The following PDE4B variants were observed in gnomAD, a reference collection of about 807,000 sequenced individuals.
PDE4B encodes phosphodiesterase 4B.
In PDE4B, 20 loss-of-function variants were observed where a neutral mutation model predicts 82.2. That is an observed-to-expected ratio of 0.24 (90% CI 0.17 to 0.35). The LOEUF is 0.35. Among genes scored for constraint, PDE4B ranks in the 10% least tolerant of loss-of-function variants. PDE4B has a pLI of 1.00. For missense variants in PDE4B, 655 were observed against 907.2 expected, an observed-to-expected ratio of 0.72 and a Z score of 3.57; for synonymous variants, 320 against 318.9, an observed-to-expected ratio of 1.00 and a Z score of -0.04.
chr1:65,851,335 C>CTA (rs1258080010), intron 1 of PDE4B, among the ~76,000 whole-genome samples: 1 of 151,700 alleles, frequency 6.6e-6, no homozygotes, highest in East Asian at 1.9e-4. Flanking sequence ...CACATTTTTT[C>CTA]TATATATATG....
intron 3 of PDE4B, among the ~76,000 whole-genome samples, chr1:66,090,617 A>AGTGTGTGTGTG (rs1342550461): frequency 1.1e-4 from 2 of 18,334 alleles, no homozygotes; most frequent in South Asian, 6.9e-4. Flanking sequence ...TATGTATATA[A>AGTGTGTGTGTG]TATATGTGTG....
At chr1:65,999,440 T>C (rs898016232) in intron 3 of PDE4B, among the ~76,000 whole-genome samples, 1 of 152,208 alleles carries the variant, frequency 6.6e-6, no homozygotes, top group Non-Finnish European at 1.5e-5. Context: ...AAACTAAGCC[T>C]GTATTCACTT....
intron 1 of PDE4B, among the ~76,000 whole-genome samples, chr1:65,842,756 A>G (rs965875383): frequency 1.3e-5 from 2 of 152,310 alleles, no homozygotes; most frequent in Admixed American, 6.5e-5. Context: ...TGTGCCCTAA[A>G]AATGCTCACA....
chr1:66,263,516 C>G (rs748278841), intron 6 of PDE4B, among the ~76,000 whole-genome samples: 1 of 152,222 alleles, frequency 6.6e-6, no homozygotes, highest in Non-Finnish European at 1.5e-5. Context: ...AATCTACATT[C>G]TATTAACATT....
chr1:66,314,047 C>T (rs1045156823), intron 7 of PDE4B, among the ~76,000 whole-genome samples: 1 of 152,132 alleles, frequency 6.6e-6, no homozygotes, highest in Non-Finnish European at 1.5e-5. Context: ...ACACAATTGT[C>T]ACCCTTTGTG....
intron 1 of PDE4B, among the ~76,000 whole-genome samples, chr1:65,902,177 A>C (rs1433420803): frequency 1.3e-5 from 2 of 151,990 alleles, no homozygotes; most frequent in Non-Finnish European, 2.9e-5. Flanking sequence ...ATTTTCTTGA[A>C]CTTATTGAGA....
intron 3 of PDE4B, among the ~76,000 whole-genome samples, chr1:66,021,637 T>G (rs1273269344): frequency 6.6e-6 from 1 of 152,112 alleles, no homozygotes; most frequent in African/African-American, 2.4e-5. Context: ...AGAGGTATTA[T>G]TTCTGAGGGC....
chr1:66,252,809 C>T (rs1333390631), intron 4 of PDE4B, among the ~76,000 whole-genome samples: 1 of 152,102 alleles, frequency 6.6e-6, no homozygotes, highest in Non-Finnish European at 1.5e-5. Context: ...AGTAGTGGTG[C>T]GTGCTTGTGG....
chr1:66,049,815 G>A (rs956356237), intron 3 of PDE4B, among the ~76,000 whole-genome samples: 5 of 151,902 alleles, frequency 3.3e-5, no homozygotes, highest in African/African-American at 1.2e-4. Flanking sequence ...TTCAACCACC[G>A]TGTACATCCT....
chr1:66,022,217 A>G (rs1442272935), intron 3 of PDE4B, among the ~76,000 whole-genome samples: 2 of 152,162 alleles, frequency 1.3e-5, no homozygotes, highest in Non-Finnish European at 2.9e-5. Context: ...GGCTGAGACG[A>G]TGGGGTTTTC....
At chr1:66,246,334 C>T (rs1653308803) in intron 3 of PDE4B, among the ~76,000 whole-genome samples, 1 of 152,164 alleles carries the variant, frequency 6.6e-6, no homozygotes, top group African/African-American at 2.4e-5. Context: ...GTTGTAAGAA[C>T]TAGTGAAAGG....
At chr1:66,280,376 AC>A (rs1656206817) in intron 7 of PDE4B, among the ~76,000 whole-genome samples, 1 of 152,232 alleles carries the variant, frequency 6.6e-6, no homozygotes, top group Non-Finnish European at 1.5e-5. Flanking sequence ...CTTTTGCTTT[AC>A]ACGAATGCCA....
At chr1:66,067,912 G>A (rs1655945869) in intron 3 of PDE4B, among the ~76,000 whole-genome samples, 1 of 145,818 alleles carries the variant, frequency 6.9e-6, no homozygotes, top group Non-Finnish European at 1.5e-5. Context: ...CATGGACACA[G>A]GAAGGAGAAC....
At chr1:66,329,023 A>G (rs1418075564) in intron 7 of PDE4B, among the ~76,000 whole-genome samples, 1 of 152,158 alleles carries the variant, frequency 6.6e-6, no homozygotes, top group Non-Finnish European at 1.5e-5. Flanking sequence ...AGAAATACCT[A>G]ATTCGACTTC....
At chr1:65,979,370 G>A (rs1281343963) in intron 3 of PDE4B, among the ~76,000 whole-genome samples, 2 of 152,192 alleles carry the variant, frequency 1.3e-5, no homozygotes, top group African/African-American at 4.8e-5. Flanking sequence ...CTGAAAGAGC[G>A]AATCCTGCTG....
At chr1:66,270,581 G>A (rs1655401277) in intron 7 of PDE4B, among the ~76,000 whole-genome samples, 1 of 152,206 alleles carries the variant, frequency 6.6e-6, no homozygotes, top group Non-Finnish European at 1.5e-5. Context: ...GAGAACCACA[G>A]CAATAGCCTG....
At chr1:66,048,180 A>G (rs1004489942) in intron 3 of PDE4B, among the ~76,000 whole-genome samples, 4 of 152,002 alleles carry the variant, frequency 2.6e-5, no homozygotes, top group African/African-American at 9.6e-5. Context: ...GGTGACTGCC[A>G]TTATCACTTC....
intron 3 of PDE4B, among the ~76,000 whole-genome samples, chr1:66,226,331 A>G (rs886385824): frequency 7.9e-5 from 12 of 152,234 alleles, no homozygotes; most frequent in African/African-American, 2.9e-4. Context: ...TGAAGCCTGC[A>G]TTTAATGGAG....
At chr1:66,109,191 C>G (rs1182561154) in intron 3 of PDE4B, among the ~76,000 whole-genome samples, 5 of 151,876 alleles carry the variant, frequency 3.3e-5, no homozygotes, top group Admixed American at 2.6e-4. Flanking sequence ...TTTTGAGAAA[C>G]TTCTTAAAAT....
Sources: allele counts gnomAD v4.1 joint callset (sites outside exome capture counted in the v4.1 genomes callset), GRCh38; gene constraint gnomAD v4.1.1; transcripts MANE v1.5; gene names NCBI Gene and HGNC (gene_info 2026-07-23, HGNC 2026-07-21).